Variants in DGKB observed in about 807,000 individuals in gnomAD.
DGKB encodes 90 kDa diacylglycerol kinase.
DGKB carries 67 observed loss-of-function variants against 114.3 expected under a neutral mutation model. That is an observed-to-expected ratio of 0.59 (90% CI 0.48 to 0.72). The LOEUF is 0.72. Ranked by LOEUF, DGKB falls within the 30% of genes least tolerant of loss-of-function variation. The pLI is 0.00. For synonymous variants in DGKB, 398 were observed against 323.1 expected (o/e 1.23, Z -2.49); for missense variants, 907 against 975.2 (o/e 0.93, Z 0.93).
intron 13 of DGKB, among the ~76,000 whole-genome samples, chr7:14,668,708 A>C (rs1316723884): frequency 6.6e-6 from 1 of 152,138 alleles, no homozygotes; most frequent in African/African-American, 2.4e-5. Context: ...TGTAATTTAC[A>C]ATGTACTATT....
At chr7:14,177,474 G>C (rs901841628) in intron 24 of DGKB, among the ~76,000 whole-genome samples, 21 of 139,796 alleles carry the variant, frequency 1.5e-4, no homozygotes, top group African/African-American at 5.4e-4. Context: ...AAGAATCCTT[G>C]AAACTGGAAG....
intron 20 of DGKB, among the ~76,000 whole-genome samples, chr7:14,549,573 A>C (rs1426765066): frequency 1.3e-5 from 2 of 152,198 alleles, no homozygotes; most frequent in Non-Finnish European, 2.9e-5. Context: ...CAGTATTCAA[A>C]ACCCATTTTA....
At chr7:14,246,183 C>CTTT (rs1472085422) in intron 23 of DGKB, among the ~76,000 whole-genome samples, 1 of 152,020 alleles carries the variant, frequency 6.6e-6, no homozygotes, top group Non-Finnish European at 1.5e-5. Context: ...AATGGGTTTT[C>CTTT]TTTATCAGTA....
chr7:14,613,719 C>T (rs1399976510), intron 15 of DGKB, among the ~76,000 whole-genome samples: 2 of 151,702 alleles, frequency 1.3e-5, no homozygotes, highest in Non-Finnish European at 2.9e-5. Flanking sequence ...AAAAAAATTA[C>T]GATTTTCAGA....
At chr7:14,460,892 A>C (rs28768518) in intron 21 of DGKB, among the ~76,000 whole-genome samples, 2 of 151,688 alleles carry the variant, frequency 1.3e-5, no homozygotes, top group Non-Finnish European at 2.9e-5. Flanking sequence ...AACGGAAATC[A>C]TAACAGTCTC....
chr7:14,796,569 T>A (rs1841437024), intron 2 of DGKB, among the ~76,000 whole-genome samples: 1 of 151,428 alleles, frequency 6.6e-6, no homozygotes, highest in African/African-American at 2.4e-5. Flanking sequence ...ATCAAAGCAA[T>A]GAATACCAAG....
intron 17 of DGKB, among the ~76,000 whole-genome samples, chr7:14,596,707 C>CT (rs1364422218): frequency 2.0e-5 from 3 of 152,038 alleles, no homozygotes; most frequent in African/African-American, 4.8e-5. Context: ...AGACAAAAGT[C>CT]TTTTTTGTTT....
intron 1 of DGKB, among the ~76,000 whole-genome samples, chr7:14,882,824 TTTATCTTATC>T (rs199758325): frequency 6.6e-6 from 1 of 152,050 alleles, no homozygotes; most frequent in African/African-American, 2.4e-5. Context: ...CCACATTTTC[TTTATCTTATC>T]TTATCTTATC....
At chr7:14,839,100 A>G (rs1479036722) in intron 2 of DGKB, among the ~76,000 whole-genome samples, 1 of 152,138 alleles carries the variant, frequency 6.6e-6, no homozygotes, top group Non-Finnish European at 1.5e-5. Flanking sequence ...TATTCTGGCT[A>G]GACATAGAAT....
At chr7:14,387,145 T>A (rs1007357252) in intron 21 of DGKB, among the ~76,000 whole-genome samples, 1 of 151,832 alleles carries the variant, frequency 6.6e-6, no homozygotes, top group African/African-American at 2.4e-5. Context: ...GTGTCTTGGC[T>A]GGGCGCGGTG....
intron 23 of DGKB, among the ~76,000 whole-genome samples, chr7:14,335,678 T>C (rs79075498): frequency 0.013 from 1,931 of 152,338 alleles, 42 homozygotes; most frequent in African/African-American, 0.044. Context: ...TGATTTTGTG[T>C]GAATTTGAAA....
intron 13 of DGKB, among the ~76,000 whole-genome samples, chr7:14,669,439 G>A (rs78576524): frequency 6.6e-6 from 1 of 152,070 alleles, no homozygotes; most frequent in African/African-American, 2.4e-5. Flanking sequence ...GAATCTGTTG[G>A]TGAAGTTCTG....
intron 23 of DGKB, among the ~76,000 whole-genome samples, chr7:14,313,533 G>A (rs546293288): frequency 9.2e-5 from 14 of 152,264 alleles, no homozygotes; most frequent in African/African-American, 3.4e-4. Context: ...GGAAAATCGG[G>A]AAAATCGGGT....
rs1285229058 is a variant in DGKB, at chr7:14,682,614, T to A, written c.974A>T (p.His325Leu). 1 of 1,613,632 alleles carries A rather than the reference T, an allele frequency of 6.2e-7. No individual in the cohort carries two copies. Among genetic ancestry groups the A allele is most frequent in the Admixed American group, 1.7e-5 (1 of 60,004 alleles). ...GNCPTKCDKC[H>L]KTVKCYQGLT... is the part of the protein sequence containing the mutation. ...GCCCTGGTAACATTTAACAGTTTTGTGGCACTTATCACACTTGGTTGGGCA... is the reference window on the plus strand; with the variant it reads ...GCCCTGGTAACATTTAACAGTTTTGAGGCACTTATCACACTTGGTTGGGCA... Residue 325 changes from histidine to leucine, a missense_variant, in exon 12 of 26, where the codon CAC becomes CTC. His to Leu is a moderately conservative substitution (Grantham distance 99, BLOSUM62 -3). Coordinates refer to ENST00000402815, the MANE Select transcript of DGKB (RefSeq NM_001350709.2).
At chr7:14,564,707 C>T (rs1300048387) in intron 20 of DGKB, among the ~76,000 whole-genome samples, 2 of 152,020 alleles carry the variant, frequency 1.3e-5, no homozygotes, top group Non-Finnish European at 2.9e-5. Context: ...CTGTTTTTAC[C>T]AGACTTCTTA....
rs56781293 is a variant in DGKB at position 14,947,606 on chromosome 7, G to C, written c.-188+27090C>G. On this transcript the variant is annotated intron_variant, in intron 1 of 4. Coordinates refer to the DGKB transcript ENST00000437998. ...GTTCTTCCTCATATAGATATATGAA[G>C]AGCTTTAAAAACAAACCTGAAAGTT... is the stretch of plus-strand genomic sequence containing the variant. 6.2e-3 allele frequency among the ~76,000 whole-genome samples: 862 copies of C among 138,832 alleles called. 9 individuals carry two copies. Among genetic ancestry groups the C allele is most frequent in the African/African-American group, 0.021 (784 of 36,892 alleles). 91.1% of individuals were successfully genotyped at this position (138,832 alleles called of 152,430 possible).
At chr7:14,898,804 T>C (rs943836206) in intron 1 of DGKB, among the ~76,000 whole-genome samples, 1 of 152,124 alleles carries the variant, frequency 6.6e-6, no homozygotes, top group Non-Finnish European at 1.5e-5. Context: ...AGCGAGTCCA[T>C]TTATTCTCTG....
intron 21 of DGKB, among the ~76,000 whole-genome samples, chr7:14,428,324 G>T (rs1404037694): frequency 1.3e-5 from 2 of 151,876 alleles, no homozygotes; most frequent in Non-Finnish European, 2.9e-5. Context: ...TTCTGTAACT[G>T]CTTTATATTT....
At chr7:14,336,429 A>G (rs573327449) in intron 23 of DGKB, among the ~76,000 whole-genome samples, 24 of 152,316 alleles carry the variant, frequency 1.6e-4, no homozygotes. Flanking sequence ...AGCCTAACAT[A>G]CTTCTGTTTT....
Sources: gnomAD v4.1 joint callset for allele counts (sites outside exome capture counted in the v4.1 genomes callset) on GRCh38, gnomAD v4.1.1 for gene constraint, MANE v1.5 for transcripts, NCBI Gene and HGNC (gene_info 2026-07-23, HGNC 2026-07-21) for gene names.